CACNA1A: variants seen among roughly 807,000 people sequenced by gnomAD.
CACNA1A encodes voltage-dependent P/Q-type calcium channel subunit alpha-1A.
In CACNA1A, 57 loss-of-function variants were observed where a neutral mutation model predicts 262.4. The observed-to-expected ratio is 0.22, with a 90% CI of 0.18 to 0.27. The LOEUF (loss-of-function observed/expected upper bound fraction) is 0.27, where lower values mean the gene tolerates loss of function less well. CACNA1A is among the 10% of genes least tolerant of loss of function. CACNA1A has a pLI of 1.00. For missense variants in CACNA1A, 2,526 were observed against 3,562.8 expected, an observed-to-expected ratio of 0.71 and a Z score of 7.41; for synonymous variants, 1,431 against 1,419.3, an observed-to-expected ratio of 1.01 and a Z score of -0.18.
In CACNA1A at chr19:13,505,617, GC is replaced by G. The variant is rs1301708486; in HGVS notation, c.293+314del. Among the ~76,000 whole-genome samples the G allele has an allele frequency of 7.2e-5, 11 of 151,960 alleles. 1 individual carries two copies. The highest frequency in any genetic ancestry group is 1.5e-5 in the Non-Finnish European group (1 of 67,980). Reference sequence around the variant, plus strand: ...CAAACCCTCCGGACTTGGCTCGAAAGCCCCCACCAAGGCTCCTGCACGACCC... The same window carrying G: ...CAAACCCTCCGGACTTGGCTCGAAAGCCCCACCAAGGCTCCTGCACGACCC... On this transcript the variant is annotated intron_variant, in intron 1 of 46. Coordinates refer to ENST00000360228, the MANE Select transcript of CACNA1A (RefSeq NM_001127222.2).
intron 1 of CACNA1A, among the ~76,000 whole-genome samples, chr19:13,496,603 G>C (rs1326814107): frequency 6.6e-6 from 1 of 152,184 alleles, no homozygotes; most frequent in Non-Finnish European, 1.5e-5. Context: ...ATATATTGGA[G>C]CAACAGTGAT....
chr19:13,234,350 C>CAA (rs71168693), intron 34 of CACNA1A, among the ~76,000 whole-genome samples: 10,192 of 71,280 alleles, frequency 0.14, 1,161 homozygotes, highest in Non-Finnish European at 0.17. Flanking sequence ...ACTCCATCTC[C>CAA]AAAAAAAAAA....
intron 44 of CACNA1A, among the ~76,000 whole-genome samples, chr19:13,210,212 A>G (rs1480979268): frequency 6.6e-6 from 1 of 152,098 alleles, no homozygotes; most frequent in Admixed American, 6.5e-5. Context: ...GATGGGGCAG[A>G]CGCCCGCCTC....
At position 13,285,134 on chromosome 19, in the gene CACNA1A, C is replaced by T. The variant is rs374286965; in HGVS notation, c.3626G>A (p.Arg1209His). The part of the protein sequence containing the change: ...EEKKEEEEDD[R>H]GEDGPKPMPP... ...CATTGGCTTAGGGCCGTCTTCCCCA[C>T]GGTCGTCTTCCTCCTCCTCCTTCTT... The change falls in exon 21 of 47, where the codon CGT (arginine) becomes CAT (histidine). Residue 1209 changes from arginine to histidine, a missense_variant. Physicochemically the swap from Arg to His is conservative, Grantham distance 29. Around this residue, in one of 17 missense-constraint regions of CACNA1A, gnomAD observed 765 missense variants for 748.6 expected, o/e 1.02. Transcript: ENST00000360228. 6.4e-5 allele frequency: 104 copies of T among 1,613,832 alleles called. 1 individual carries two copies. Among genetic ancestry groups the T allele is most frequent in the South Asian group, 2.7e-4 (25 of 91,082 alleles).
intron 5 of CACNA1A, chr19:13,361,980 T>G: frequency 6.7e-6 from 1 of 149,012 alleles, no homozygotes; most frequent in African/African-American, 2.5e-5. Flanking sequence ...ACAGCCCCAG[T>G]CCCTCCCTCC....
At chr19:13,349,316 T>A (rs1409820569) in intron 6 of CACNA1A, among the ~76,000 whole-genome samples, 1 of 152,130 alleles carries the variant, frequency 6.6e-6, no homozygotes, top group Non-Finnish European at 1.5e-5. Context: ...GACACCCTGG[T>A]CCTGCCAGGT....
At chr19:13,458,355 C>T (rs1753299427) in intron 1 of CACNA1A, among the ~76,000 whole-genome samples, 1 of 151,976 alleles carries the variant, frequency 6.6e-6, no homozygotes, top group African/African-American at 2.4e-5. Flanking sequence ...CAGAGTCTTA[C>T]TTTGTTGCCC....
chr19:13,365,510 A>C, intron 4 of CACNA1A, 41 bp from the exon 5 acceptor site: 1 of 1,593,296 alleles, frequency 6.3e-7, no homozygotes. Context: ...CCCATGAGCA[A>C]GTACCCCCAA....
chr19:13,271,052 G>A (rs1455870557), intron 24 of CACNA1A, among the ~76,000 whole-genome samples: 1 of 152,120 alleles, frequency 6.6e-6, no homozygotes, highest in Non-Finnish European at 1.5e-5. Context: ...CTTTATGCCT[G>A]TACCAATTTC....
At chr19:13,240,867 G>T (rs2056062533) in intron 31 of CACNA1A, among the ~76,000 whole-genome samples, 1 of 152,246 alleles carries the variant, frequency 6.6e-6, no homozygotes, top group South Asian at 2.1e-4. Context: ...ACAGTTCAAG[G>T]CTCCAGGAGA....
At chr19:13,453,118 T>C in intron 2 of CACNA1A, 103 bp from the exon 3 acceptor site, 1 of 1,197,082 alleles carries the variant, frequency 8.4e-7, no homozygotes, top group Non-Finnish European at 1.2e-6. Flanking sequence ...CCCTCTCACT[T>C]CCCCTGACCC....
intron 36 of CACNA1A, 49 bp from the exon 37 acceptor site, chr19:13,227,576 A>C: frequency 1.8e-5 from 20 of 1,087,028 alleles, no homozygotes; most frequent in African/African-American, 3.1e-5. Context: ...AAAAAAACAA[A>C]ACGGGAATGG....
At chr19:13,277,149 A>G in intron 22 of CACNA1A, 21 bp from the exon 23 acceptor site, 1 of 1,583,328 alleles carries the variant, frequency 6.3e-7, no homozygotes, top group Non-Finnish European at 8.7e-7. Flanking sequence ...TAAAAGCAAG[A>G]GAGCAGTGGA....
At chr19:13,255,593 T>G (rs1044971221) in intron 28 of CACNA1A, among the ~76,000 whole-genome samples, 2 of 152,096 alleles carry the variant, frequency 1.3e-5, no homozygotes, top group African/African-American at 4.8e-5. Context: ...TTAAACCACT[T>G]GCCTGAGGTG....
chr19:13,456,327 T>C (rs565906778), intron 1 of CACNA1A, among the ~76,000 whole-genome samples: 8 of 152,260 alleles, frequency 5.3e-5, no homozygotes, highest in African/African-American at 1.7e-4. Flanking sequence ...AGTAACAGAA[T>C]AGGAGAAGCT....
intron 17 of CACNA1A, among the ~76,000 whole-genome samples, chr19:13,301,804 C>T (rs2144970096): frequency 6.6e-6 from 1 of 152,314 alleles, no homozygotes; most frequent in Non-Finnish European, 1.5e-5. Context: ...ACCTTACCAC[C>T]TTGGAAATGG....
intron 24 of CACNA1A, chr19:13,263,433 TGCTGG>T: frequency 6.5e-6 from 1 of 154,014 alleles, no homozygotes; most frequent in South Asian, 2.0e-4. Context: ...CCTCTCAAAG[TGCTGG>T]GATTACAGGT....
At chr19:13,462,900 T>G (rs993757779) in intron 1 of CACNA1A, among the ~76,000 whole-genome samples, 1 of 152,074 alleles carries the variant, frequency 6.6e-6, no homozygotes, top group Admixed American at 6.6e-5. Context: ...GCTGGGACTA[T>G]AGGTGCATGC....
chr19:13,431,602 C>T lies in CACNA1A; in HGVS notation c.539+21274G>A, dbSNP rs113202922. Among the ~76,000 whole-genome samples the T allele has an allele frequency of 5.9e-3, 900 of 151,972 alleles. 5 individuals carry two copies. Among genetic ancestry groups the T allele is most frequent in the African/African-American group, 0.021 (866 of 41,452 alleles). ...TTCATGACAGCACTCTTCACAATAG[C>T]CAAGATGCAGGTACAACCCAAATGT... is the stretch of plus-strand genomic sequence containing the variant. On this transcript the variant is annotated intron_variant, in intron 3 of 46. Transcript: ENST00000360228.
Sources: allele counts gnomAD v4.1 joint callset (sites outside exome capture counted in the v4.1 genomes callset), GRCh38; gene constraint gnomAD v4.1.1; regional missense constraint gnomAD v4.1.1; transcripts MANE v1.5; gene names NCBI Gene and HGNC (gene_info 2026-07-23, HGNC 2026-07-21).